EYA1: variants seen among roughly 807,000 people sequenced by gnomAD.
EYA1 encodes protein phosphatase EYA1.
A neutral mutation model predicts 82.0 loss-of-function variants in EYA1; 16 were observed. That is an observed-to-expected ratio of 0.20 (90% CI 0.13 to 0.30). The LOEUF (loss-of-function observed/expected upper bound fraction) is 0.30. Ranked by LOEUF, EYA1 falls within the 10% of genes least tolerant of loss-of-function variation. The pLI is 1.00. For synonymous variants in EYA1, 261 were observed against 264.4 expected (o/e 0.99, Z 0.12); for missense variants, 633 against 730.7 (o/e 0.87, Z 1.54).
chr8:71,267,051 A>AC (rs748989396), intron 11 of EYA1, among the ~76,000 whole-genome samples: 2 of 151,604 alleles, frequency 1.3e-5, no homozygotes, highest in Non-Finnish European at 1.5e-5. Flanking sequence ...TCCAATTTGG[A>AC]CCCCCATTTT....
intron 2 of EYA1, among the ~76,000 whole-genome samples, chr8:71,379,961 C>T (rs1337613734): frequency 6.6e-6 from 1 of 152,200 alleles, no homozygotes; most frequent in African/African-American, 2.4e-5. Context: ...AGGATTTCAT[C>T]ATCTTGAGAT....
At chr8:71,454,837 C>A (rs936628758) in intron 2 of EYA1, among the ~76,000 whole-genome samples, 2 of 152,216 alleles carry the variant, frequency 1.3e-5, no homozygotes, top group Non-Finnish European at 2.9e-5. Context: ...AAAATTGACA[C>A]TGTGACATCA....
chr8:71,363,195 T>A (rs929464729), upstream of EYA1, among the ~76,000 whole-genome samples: 3 of 151,986 alleles, frequency 2.0e-5, no homozygotes, highest in African/African-American at 4.8e-5. Context: ...GTGAAAAAAA[T>A]TTTAAAAATC....
chr8:71,426,189 T>G (rs1360882305), intron 2 of EYA1, among the ~76,000 whole-genome samples: 4 of 152,164 alleles, frequency 2.6e-5, no homozygotes, highest in Non-Finnish European at 5.9e-5. Context: ...AAAACACAGC[T>G]CTTAATAACA....
chr8:71,399,537 T>C (rs1829832574), intron 2 of EYA1, among the ~76,000 whole-genome samples: 1 of 152,184 alleles, frequency 6.6e-6, no homozygotes, highest in Non-Finnish European at 1.5e-5. Flanking sequence ...TGAACTCACA[T>C]TCACAATTGC....
intron 2 of EYA1, among the ~76,000 whole-genome samples, chr8:71,509,806 A>G (rs1053719307): frequency 1.3e-5 from 2 of 152,250 alleles, no homozygotes; most frequent in African/African-American, 4.8e-5. Flanking sequence ...ATGCACTTGA[A>G]TCTGCTCCAC....
chr8:71,305,835 T>C (rs998549062), intron 7 of EYA1, among the ~76,000 whole-genome samples: 1 of 152,156 alleles, frequency 6.6e-6, no homozygotes, highest in African/African-American at 2.4e-5. Flanking sequence ...AAGTTGATTA[T>C]TTTTATATTC....
At chr8:71,481,729 C>G (rs1810177864) in intron 2 of EYA1, among the ~76,000 whole-genome samples, 5 of 152,084 alleles carry the variant, frequency 3.3e-5, no homozygotes. Flanking sequence ...TATAATCCTG[C>G]AAATGGCCAG....
chr8:71,473,547 A>G (rs1809404924), intron 2 of EYA1, among the ~76,000 whole-genome samples: 2 of 152,282 alleles, frequency 1.3e-5, no homozygotes, highest in South Asian at 4.1e-4. Flanking sequence ...AAGTCAGGAA[A>G]CAACAGATGC....
intron 10 of EYA1, among the ~76,000 whole-genome samples, chr8:71,270,903 A>C (rs1232097132): frequency 6.6e-6 from 1 of 152,080 alleles, no homozygotes; most frequent in African/African-American, 2.4e-5. Context: ...GTGGACCATG[A>C]GGTCAGGAGA....
At chr8:71,381,915 T>A (rs1272972555) in intron 2 of EYA1, among the ~76,000 whole-genome samples, 1 of 152,246 alleles carries the variant, frequency 6.6e-6, no homozygotes, top group Non-Finnish European at 1.5e-5. Flanking sequence ...AAGCACTTTG[T>A]ATACACACAT....
chr8:71,450,981 G>A (rs1406490142), intron 2 of EYA1, among the ~76,000 whole-genome samples: 2 of 152,154 alleles, frequency 1.3e-5, no homozygotes, highest in Non-Finnish European at 2.9e-5. Context: ...TAGCAAACAC[G>A]AATAAACATT....
chr8:71,388,720 C>T (rs1033679436), intron 2 of EYA1, among the ~76,000 whole-genome samples: 2 of 152,090 alleles, frequency 1.3e-5, no homozygotes, highest in African/African-American at 4.8e-5. Context: ...CAATTTTGAT[C>T]GGGAATAGGA....
intron 12 of EYA1, 150 bp from the exon 13 acceptor site, chr8:71,217,173 T>C: frequency 1.5e-6 from 1 of 659,264 alleles, no homozygotes; most frequent in Non-Finnish European, 2.7e-6. Context: ...CTTGTAAAAT[T>C]GACATTTTTA....
At chr8:71,531,051 C>G (rs1814229455) in intron 2 of EYA1, 1 of 152,174 alleles carries the variant, frequency 6.6e-6, no homozygotes, top group African/African-American at 2.4e-5. Context: ...ACATCATGAT[C>G]AAACATATGC....
At chr8:71,330,151 A>T (rs1823657415) in intron 4 of EYA1, among the ~76,000 whole-genome samples, 1 of 152,196 alleles carries the variant, frequency 6.6e-6, no homozygotes, top group African/African-American at 2.4e-5. Context: ...CTTTTTAAGG[A>T]TTTGGCTTTT....
At chr8:71,439,191 G>T (rs1036029021) in intron 2 of EYA1, among the ~76,000 whole-genome samples, 2 of 152,092 alleles carry the variant, frequency 1.3e-5, no homozygotes, top group Non-Finnish European at 2.9e-5. Flanking sequence ...AGATGAAGTG[G>T]CACCAAAGCT....
intron 9 of EYA1, among the ~76,000 whole-genome samples, chr8:71,285,109 G>A (rs143962336): frequency 8.5e-5 from 13 of 152,264 alleles, no homozygotes; most frequent in East Asian, 5.8e-4. Context: ...AAACGTTGAC[G>A]AACATCATTA....
At chr8:71,334,330 T>A (rs967600589) in intron 3 of EYA1, 156 bp from the exon 4 acceptor site, 1 of 715,194 alleles carries the variant, frequency 1.4e-6, no homozygotes, top group African/African-American at 1.8e-5. Context: ...AGACTCCTTT[T>A]AAAAAAATTC....
Sources: gnomAD v4.1 joint callset for allele counts (sites outside exome capture counted in the v4.1 genomes callset) on GRCh38, gnomAD v4.1.1 for gene constraint, MANE v1.5 for transcripts, NCBI Gene and HGNC (gene_info 2026-07-23, HGNC 2026-07-21) for gene names.